PKHD1: variants seen among roughly 807,000 people sequenced by gnomAD.
PKHD1 encodes the protein PKHD1 ciliary IPT domain containing fibrocystin/polyductin.
A neutral mutation model predicts 412.0 loss-of-function variants in PKHD1; 291 were observed. That is an observed-to-expected ratio of 0.71 (90% CI 0.64 to 0.78). The LOEUF (loss-of-function observed/expected upper bound fraction) is 0.78, where lower values mean the gene tolerates loss of function less well. Ranked by LOEUF, PKHD1 falls within the 30% of genes least tolerant of loss-of-function variation. PKHD1 has a pLI of 0.00. For missense variants in PKHD1, 4,825 were observed against 4,950.7 expected (o/e 0.97, Z 0.76); for synonymous variants, 1,777 against 1,821.5 (o/e 0.98, Z 0.62).
intron 7 of PKHD1, among the ~76,000 whole-genome samples, chr6:52,072,794 T>G (rs1810829271): frequency 6.6e-6 from 1 of 152,186 alleles, no homozygotes; most frequent in African/African-American, 2.4e-5. Flanking sequence ...GAGTATATAG[T>G]AAGATCATTT....
At chr6:52,064,893 C>A in intron 13 of PKHD1, 62 bp downstream of exon 13, 1 of 743,374 alleles carries the variant, frequency 1.3e-6, no homozygotes, top group South Asian at 1.4e-5. Flanking sequence ...TATTTCTACT[C>A]GCCAGCCCAT....
chr6:51,901,698 A>C (rs1418474294), intron 43 of PKHD1, among the ~76,000 whole-genome samples: 1 of 152,044 alleles, frequency 6.6e-6, no homozygotes, highest in East Asian at 1.9e-4. Context: ...CTTAAAAAAA[A>C]AAAAAAAGAA....
chr6:52,043,039 C>A lies in PKHD1; in HGVS notation c.2917G>T (p.Val973Phe), dbSNP rs1173745395. 1 of 1,614,076 alleles carries A rather than the reference C, an allele frequency of 6.2e-7. No homozygotes were observed. Among genetic ancestry groups the A allele is most frequent in the Non-Finnish European group, 8.5e-7 (1 of 1,179,940 alleles). Residue 973 changes from valine to phenylalanine, a missense_variant, in exon 27 of 67, where the codon GTT becomes TTT. Val to Phe is a conservative substitution (Grantham distance 50). Coordinates refer to ENST00000371117, the MANE Select transcript of PKHD1 (RefSeq NM_138694.4). The part of the protein sequence containing the change: ...QVTVNKTSCK[V>F]IFSNQTNVVC... ...ACATTGGTCTGGTTTGAGAAAATAA[C>A]TTTGCAACTCGTTTTGTTCACTGTA...
intron 65 of PKHD1, 141 bp from the exon 66 acceptor site, chr6:51,627,257 C>T (rs1767370907): frequency 1.3e-6 from 1 of 798,496 alleles, no homozygotes; most frequent in East Asian, 2.5e-5. Context: ...ATTCAGAGTT[C>T]AAGAAATAAT....
chr6:52,065,186 G>C (rs1334971085), intron 12 of PKHD1, 136 bp from the exon 13 acceptor site: 18 of 174,732 alleles, frequency 1.0e-4, no homozygotes, highest in African/African-American at 3.6e-4. Flanking sequence ...GAGAGAGAGA[G>C]AGAGAGAGAG....
chr6:51,985,155 G>C (rs1369622293), intron 35 of PKHD1, among the ~76,000 whole-genome samples: 1 of 152,036 alleles, frequency 6.6e-6, no homozygotes, highest in African/African-American at 2.4e-5. Flanking sequence ...AAAAAAATTA[G>C]AAAAAAACTA....
intron 30 of PKHD1, 77 bp downstream of exon 30, chr6:52,028,079 T>A: frequency 7.0e-7 from 1 of 1,428,090 alleles, no homozygotes; most frequent in East Asian, 2.3e-5. Context: ...AGAAAATACC[T>A]AACTCAAAAT....
intron 51 of PKHD1, among the ~76,000 whole-genome samples, 195 bp downstream of exon 51, chr6:51,836,209 T>C (rs916954591): frequency 1.3e-5 from 2 of 152,198 alleles, no homozygotes; most frequent in Non-Finnish European, 2.9e-5. Context: ...GAAAAATAAA[T>C]CCACCTTTAT....
intron 60 of PKHD1, among the ~76,000 whole-genome samples, chr6:51,706,322 G>GCATGTAAGAAACAT (rs1780012697): frequency 6.6e-6 from 1 of 152,056 alleles, no homozygotes; most frequent in African/African-American, 2.4e-5. Flanking sequence ...ATCTACATAT[G>GCATGTAAGAAACAT]GCCCTTTATG....
At chr6:51,676,263 ACTTCT>A (rs1775837573) in intron 60 of PKHD1, among the ~76,000 whole-genome samples, 1 of 150,444 alleles carries the variant, frequency 6.6e-6, no homozygotes, top group Non-Finnish European at 1.5e-5. Flanking sequence ...AAAAAAAAAA[ACTTCT>A]ATTCTTTATT....
chr6:52,011,564 A>T (rs1423101280), intron 34 of PKHD1, among the ~76,000 whole-genome samples: 1 of 152,214 alleles, frequency 6.6e-6, no homozygotes, highest in Non-Finnish European at 1.5e-5. Flanking sequence ...AAGATGGCAG[A>T]TCCCATGGGA....
chr6:51,982,522 G>A (rs1795573567), intron 35 of PKHD1, among the ~76,000 whole-genome samples: 2 of 138,202 alleles, frequency 1.4e-5, no homozygotes, highest in African/African-American at 5.2e-5. Context: ...CCAACCCTGT[G>A]CTCTCTGAAA....
intron 35 of PKHD1, among the ~76,000 whole-genome samples, chr6:52,002,816 A>G (rs1581690561): frequency 2.0e-5 from 3 of 152,364 alleles, no homozygotes; most frequent in South Asian, 4.1e-4. Flanking sequence ...CTAAATAGCT[A>G]TGTATATTAT....
In PKHD1 at chr6:52,042,961, C is replaced by T. The variant is rs754187671; in HGVS notation, c.2995G>A (p.Val999Met). ...CTGATGGCAAGACCAGAGGGTCTCA[C>T]CAACATCAAGATCCGATGCATTCCA... is the stretch of plus-strand genomic sequence containing the variant. ...PVGMHRILML[V>M]RPSGLAISAT... Residue 999 changes from valine (V) to methionine (M), a missense_variant, in exon 27 of 67, where the codon GTG becomes ATG. By Grantham distance (21) the Val-to-Met change is conservative (BLOSUM62 1). Coordinates refer to ENST00000371117, the MANE Select transcript of PKHD1 (RefSeq NM_138694.4). The T allele has an allele frequency of 3.1e-6, 5 of 1,613,972 alleles. No homozygotes were observed. Among genetic ancestry groups the T allele is most frequent in the Non-Finnish European group, 1.7e-6 (2 of 1,179,890 alleles).
chr6:51,909,059 AC>A (rs1250314754), intron 40 of PKHD1, among the ~76,000 whole-genome samples: 1 of 152,136 alleles, frequency 6.6e-6, no homozygotes, highest in Non-Finnish European at 1.5e-5. Flanking sequence ...CCTACCTTAG[AC>A]CAGAATTTGT....
At chr6:51,836,549 A>G (rs775741086) in intron 50 of PKHD1, 80 bp from the exon 51 acceptor site, 6 of 1,012,964 alleles carry the variant, frequency 5.9e-6, no homozygotes, top group Non-Finnish European at 9.4e-6. Context: ...AGAAAAGAAG[A>G]ATTTATGCTA....
chr6:52,057,726 T>A (rs978160791), intron 16 of PKHD1, among the ~76,000 whole-genome samples: 1 of 152,180 alleles, frequency 6.6e-6, no homozygotes, highest in Non-Finnish European at 1.5e-5. Flanking sequence ...GCTTTTAATC[T>A]CTTAAATCAA....
rs775002568 is a variant in PKHD1, at chr6:52,070,448, G to A, written c.668-3C>T. 32 of 1,607,882 alleles carry A rather than the reference G, an allele frequency of 2.0e-5. No individual in the cohort carries two copies. Among genetic ancestry groups the A allele is most frequent in the Middle Eastern group, 3.3e-4 (2 of 6,076 alleles). ...TGAGAAGCTAACATTCTGGGAGCCT[G>A]TAACACAAAGAAACACACATTAACT... On this transcript the variant is annotated splice_polypyrimidine_tract_variant and splice_region_variant and intron_variant, in intron 9 of 66. Coordinates refer to ENST00000371117, the MANE Select transcript of PKHD1 (RefSeq NM_138694.4).
At chr6:51,892,312 A>G (rs549012618) in intron 43 of PKHD1, among the ~76,000 whole-genome samples, 1 of 152,376 alleles carries the variant, frequency 6.6e-6, no homozygotes, top group African/African-American at 2.4e-5. Context: ...AATCAGGTCC[A>G]TTTCTAAGAC....
Sources: gnomAD v4.1 joint callset for allele counts (sites outside exome capture counted in the v4.1 genomes callset) on GRCh38, gnomAD v4.1.1 for gene constraint, MANE v1.5 for transcripts, NCBI Gene and HGNC (gene_info 2026-07-23, HGNC 2026-07-21) for gene names.